Variants in AMMECR1L observed in about 807,000 individuals in gnomAD.
AMMECR1L encodes the protein AMMECR1 like.
Under a neutral mutation model 36.8 loss-of-function variants are expected in AMMECR1L, and 4 were observed. The ratio of observed to expected loss-of-function variants is 0.11; its 90% CI spans 0.05 to 0.25. AMMECR1L has a LOEUF of 0.25. Ranked by LOEUF, AMMECR1L falls within the 10% of genes least tolerant of loss-of-function variation. AMMECR1L has a pLI of 1.00. For missense variants in AMMECR1L, 232 were observed against 392.1 expected (o/e 0.59, Z 3.45); for synonymous variants, 147 against 148.0 (o/e 0.99, Z 0.05).
intron 5 of AMMECR1L, 93 bp downstream of exon 5, chr2:127,870,720 AC>A (rs1690927036): frequency 1.1e-6 from 1 of 948,984 alleles, no homozygotes; most frequent in African/African-American, 1.7e-5. Flanking sequence ...ACATTCTTAT[AC>A]CCTTTCTCTC....
rs779305838 is a variant in AMMECR1L at position 127,871,233 on chromosome 2, T to C, written c.518+16A>G. 2 of 1,612,142 alleles carry C rather than the reference T, an allele frequency of 1.2e-6. No homozygotes were observed. Among genetic ancestry groups the C allele is most frequent in the Non-Finnish European group, 1.7e-6 (2 of 1,178,284 alleles). On this transcript the variant is annotated intron_variant, in intron 4 of 7. Transcript: ENST00000272647. The surrounding 1 kb of genome is among the most constrained non-coding windows in gnomAD (Gnocchi z 4.3). ...TAGCCAATTTATCTACAGTTCTTAA[T>C]GTCTGGTGTCATTACCTGGTTAACG...
At position 127,873,507 on chromosome 2, in the gene AMMECR1L, G is replaced by A. The variant is rs753966178; in HGVS notation, c.407+321C>T. On this transcript the variant is annotated intron_variant, in intron 3 of 7. Coordinates refer to ENST00000272647, the MANE Select transcript of AMMECR1L (RefSeq NM_001199140.2). The surrounding 1 kb of genome is among the most constrained non-coding windows in gnomAD (Gnocchi z 5.2). ...CTATGGGTGTCCCCAATGGTATGGC[G>A]TGACTTCCCCACTTGAGAGGTTAAA... The A allele has an allele frequency of 5.8e-4, 569 of 985,294 alleles. 1 individual carries two copies. Among genetic ancestry groups the A allele is most frequent in the Non-Finnish European group, 6.6e-4 (544 of 829,946 alleles). The allele number at this position is 985,294 out of a possible 1,614,324, so 61.0% of individuals were successfully genotyped here. A position where few individuals can be genotyped will look rare whatever the true frequency, so the allele number is the denominator to read the frequency against.
intron 2 of AMMECR1L, among the ~76,000 whole-genome samples, chr2:127,882,287 T>C (rs977509223): frequency 3.9e-5 from 6 of 152,208 alleles, no homozygotes; most frequent in African/African-American, 7.2e-5. Context: ...TCTTCTGTTA[T>C]CATTTAGCAT....
In AMMECR1L at chr2:127,865,216, A is replaced by T; in HGVS notation, c.822-11T>A. Reference sequence around the variant, plus strand: ...TTCTCACTTCGGTACCTGTATGAGGAAACAGGAAAGGGTATTAGGAACCCC... The same window carrying T: ...TTCTCACTTCGGTACCTGTATGAGGTAACAGGAAAGGGTATTAGGAACCCC... On this transcript the variant is annotated splice_polypyrimidine_tract_variant and intron_variant, in intron 7 of 7. Coordinates refer to ENST00000272647, the MANE Select transcript of AMMECR1L (RefSeq NM_001199140.2). The surrounding 1 kb of genome is among the most constrained non-coding windows in gnomAD (Gnocchi z 5.4). The T allele has an allele frequency of 1.2e-6, 2 of 1,604,100 alleles. No homozygotes were observed. Among genetic ancestry groups the T allele is most frequent in the Non-Finnish European group, 1.7e-6 (2 of 1,172,968 alleles).
At chr2:127,878,776 G>A (rs1233974641) in intron 2 of AMMECR1L, among the ~76,000 whole-genome samples, 2 of 152,216 alleles carry the variant, frequency 1.3e-5, no homozygotes, top group East Asian at 3.8e-4. Context: ...TGGCCCTTTA[G>A]ATCCAAGCAT....
In AMMECR1L at chr2:127,865,090, T is replaced by C. The variant is rs1310983468; in HGVS notation, c.*4A>G. On this transcript the variant is annotated 3_prime_UTR_variant, in exon 8 of 8. Coordinates refer to ENST00000272647, the MANE Select transcript of AMMECR1L (RefSeq NM_001199140.2). The surrounding 1 kb of genome is among the most constrained non-coding windows in gnomAD (Gnocchi z 5.4). ...GGGGGTGGGACTGGTCATGCAGCCG[T>C]GTGTCAGGAGTAATGATTGTAGAGG... 1 of 1,610,418 alleles carries C rather than the reference T, an allele frequency of 6.2e-7. No homozygotes were observed. Among genetic ancestry groups the C allele is most frequent in the Non-Finnish European group, 8.5e-7 (1 of 1,177,726 alleles).
chr2:127,884,828 T>G (rs567827685), intron 1 of AMMECR1L: 3 of 152,372 alleles, frequency 2.0e-5, no homozygotes, highest in African/African-American at 7.2e-5. Context: ...ATCCTTAGTC[T>G]CGAAGAAATC....
At position 127,873,726 on chromosome 2, in the gene AMMECR1L, AATG is replaced by A. The variant is rs1437717302; in HGVS notation, c.407+99_407+101del. ...TTCTCTTCCCATTACCCTTTCCTCA[AATG>A]ATAATAAAGACTTCCAAGTAGCAGA... On this transcript the variant is annotated intron_variant, in intron 3 of 7. Coordinates refer to ENST00000272647, the MANE Select transcript of AMMECR1L (RefSeq NM_001199140.2). The surrounding 1 kb of genome is among the most constrained non-coding windows in gnomAD (Gnocchi z 5.2). 5 of 1,584,348 alleles carry A rather than the reference AATG, an allele frequency of 3.2e-6. No individual in the cohort carries two copies. Among genetic ancestry groups the A allele is most frequent in the Non-Finnish European group, 4.3e-6 (5 of 1,173,122 alleles).
At position 127,864,782 on chromosome 2, in the gene AMMECR1L, C is replaced by G. The variant is rs1690611232; in HGVS notation, c.*312G>C. ...TCAGCTTCCAGCGTGTGGCCAATAC[C>G]CCATGTGGCAAATACCAGACAAGGG... On this transcript the variant is annotated 3_prime_UTR_variant, in exon 8 of 8. Transcript: ENST00000272647. The G allele has an allele frequency of 1.0e-5, 2 of 200,428 alleles. No individual in the cohort carries two copies. The highest frequency in any genetic ancestry group is 1.2e-4 in the Admixed American group (2 of 16,878). The allele number at this position is 200,428 out of a possible 1,614,324, so 12.4% of individuals were successfully genotyped here. A position where few individuals can be genotyped will look rare whatever the true frequency, so the allele number is the denominator to read the frequency against.
At chr2:127,875,708 G>A (rs1348503401) in intron 2 of AMMECR1L, among the ~76,000 whole-genome samples, 1 of 152,126 alleles carries the variant, frequency 6.6e-6, no homozygotes, top group Non-Finnish European at 1.5e-5. Context: ...CTCTGTGGCC[G>A]AAGAATAATA....
At chr2:127,875,781 C>T (rs1691206332) in intron 2 of AMMECR1L, among the ~76,000 whole-genome samples, 1 of 136,938 alleles carries the variant, frequency 7.3e-6, no homozygotes, top group Non-Finnish European at 1.6e-5. Context: ...CCTCCCCTCT[C>T]CTCTTCTCTC....
At chr2:127,881,891 T>C (rs1691515787) in intron 2 of AMMECR1L, among the ~76,000 whole-genome samples, 1 of 152,234 alleles carries the variant, frequency 6.6e-6, no homozygotes, top group Non-Finnish European at 1.5e-5. Flanking sequence ...TGGCTTCTAA[T>C]AAATCATCCA....
rs1690881683 is a variant in AMMECR1L, at chr2:127,869,928, T to C, written c.634-384A>G. On this transcript the variant is annotated intron_variant, in intron 5 of 7. Transcript: ENST00000272647. The surrounding 1 kb of genome is among the most constrained non-coding windows in gnomAD (Gnocchi z 4.7). ...AAAACTTTTATTTGGCCAGGCGCGG[T>C]GGCTCATGCCTGTAATCCCAACAAT... Among the ~76,000 whole-genome samples, 1 of 152,242 alleles carries C rather than the reference T, an allele frequency of 6.6e-6. No homozygotes were observed. Among genetic ancestry groups the C allele is most frequent in the Non-Finnish European group, 1.5e-5 (1 of 68,046 alleles).
Position 127,873,389 on chromosome 2 carries a change from G to GTT in AMMECR1L, c.407+438_407+439insAA. On this transcript the variant is annotated intron_variant, in intron 3 of 7. Coordinates refer to ENST00000272647, the MANE Select transcript of AMMECR1L (RefSeq NM_001199140.2). The surrounding 1 kb of genome is among the most constrained non-coding windows in gnomAD (Gnocchi z 5.2). ...GGGATTTCTCATGAACAAAGTGAGG[G>GTT]GACCCCTGTTAACCAAATCGCAGAT... 7.1e-6 allele frequency: 7 copies of GTT among 985,400 alleles called. No homozygotes were observed. The highest frequency in any genetic ancestry group is 8.4e-6 in the Non-Finnish European group (7 of 829,924). The allele number at this position is 985,400 out of a possible 1,614,324, so 61.0% of individuals were successfully genotyped here. A position where few individuals can be genotyped will look rare whatever the true frequency, so the allele number is the denominator to read the frequency against.
chr2:127,880,129 C>T (rs753008396), intron 2 of AMMECR1L, among the ~76,000 whole-genome samples: 2 of 152,164 alleles, frequency 1.3e-5, no homozygotes, highest in Admixed American at 1.3e-4. Context: ...ACAGTAAGAT[C>T]CCATTCTCCA....
rs981207156 is a variant in AMMECR1L at position 127,864,859 on chromosome 2, C to A, written c.*235G>T. The A allele has an allele frequency of 2.9e-6, 1 of 345,080 alleles. No homozygotes were observed. 21.4% of individuals were successfully genotyped at this position (345,080 alleles called of 1,614,324 possible). ...TAGTCATGGAGGAGCCCCAATCCAA[C>A]GGAACCCCATATTGAGGAAAGGCTG... On this transcript the variant is annotated 3_prime_UTR_variant, in exon 8 of 8. Transcript: ENST00000272647.
chr2:127,870,687 A>C (rs906669488), intron 5 of AMMECR1L, 127 bp downstream of exon 5: 17 of 673,278 alleles, frequency 2.5e-5, no homozygotes, highest in Non-Finnish European at 4.2e-5. Flanking sequence ...TGTTGCCCAC[A>C]ATTGGTTCCA....
At position 127,871,855 on chromosome 2, in the gene AMMECR1L, A is replaced by G. The variant is rs974386944; in HGVS notation, c.408-496T>C. Among the ~76,000 whole-genome samples, 1 of 152,196 alleles carries G rather than the reference A, an allele frequency of 6.6e-6. No individual in the cohort carries two copies. Among genetic ancestry groups the G allele is most frequent in the Non-Finnish European group, 1.5e-5 (1 of 68,034 alleles). On this transcript the variant is annotated intron_variant, in intron 3 of 7. Coordinates refer to ENST00000272647, the MANE Select transcript of AMMECR1L (RefSeq NM_001199140.2). This position sits in a 1 kb window ranked among gnomAD's most constrained non-coding sequence, Gnocchi z 4.3. ...TATTTCCACTCACAAATTTTCAGAAAAAAAAGTTCCCTCAAAAAACATTTT... is the reference window on the plus strand; with the variant it reads ...TATTTCCACTCACAAATTTTCAGAAGAAAAAGTTCCCTCAAAAAACATTTT...
Position 127,863,425 on chromosome 2 carries a change from C to T in AMMECR1L, c.*1669G>A, listed in dbSNP as rs1201728106. ...ACGGTGTGGAGCAAACCCACTCACC[C>T]TTGCCCATCCCTTCCCACAAACTTG... On this transcript the variant is annotated 3_prime_UTR_variant, in exon 8 of 8. Transcript: ENST00000272647. The T allele has an allele frequency of 6.6e-6, 1 of 152,314 alleles. No individual in the cohort carries two copies. Among genetic ancestry groups the T allele is most frequent in the East Asian group, 1.9e-4 (1 of 5,190 alleles). The allele number at this position is 152,314 out of a possible 1,614,324, so 9.4% of individuals were successfully genotyped here.
Sources: gnomAD v4.1 joint callset for allele counts (sites outside exome capture counted in the v4.1 genomes callset) on GRCh38, gnomAD v4.1.1 for gene constraint, Gnocchi (gnomAD v3.1) non-coding constraint, MANE v1.5 for transcripts, NCBI Gene and HGNC (gene_info 2026-07-23, HGNC 2026-07-21) for gene names.